Variants in ADGRG6 observed in about 807,000 individuals in gnomAD.
ADGRG6 encodes the protein G-protein coupled receptor 126.
ADGRG6 carries 84 observed loss-of-function variants against 142.4 expected under a neutral mutation model. The ratio of observed to expected loss-of-function variants is 0.59; its 90% confidence interval spans 0.49 to 0.71. ADGRG6 has a LOEUF of 0.71. Among genes scored for constraint, ADGRG6 ranks in the 30% least tolerant of loss-of-function variants. ADGRG6 has a pLI of 0.00. For missense variants in ADGRG6, 1,367 were observed against 1,466.6 expected (o/e 0.93, Z 1.11); for synonymous variants, 521 against 520.5 (o/e 1.00, Z -0.01).
At chr6:142,376,341 C>CT (rs1554244956) in intron 4 of ADGRG6, among the ~76,000 whole-genome samples, 1 of 152,188 alleles carries the variant, frequency 6.6e-6, no homozygotes, top group Non-Finnish European at 1.5e-5. Flanking sequence ...AATGAATAGT[C>CT]TAAGTTCAAA....
At chr6:142,370,872 A>C in intron 4 of ADGRG6, 79 bp downstream of exon 4, 1 of 1,338,686 alleles carries the variant, frequency 7.5e-7, no homozygotes, top group Non-Finnish European at 1.1e-6. Flanking sequence ...AGAATTATAC[A>C]TACACACAAA....
intron 14 of ADGRG6, 151 bp downstream of exon 14, chr6:142,404,124 A>G (rs1367613368): frequency 2.1e-5 from 14 of 654,172 alleles, no homozygotes; most frequent in Non-Finnish European, 3.2e-5. Flanking sequence ...CAGTAGCCAT[A>G]AAGTATTGTG....
rs762409777 is a variant in ADGRG6, at chr6:142,403,872, A to G, written c.2026A>G (p.Thr676Ala). The G allele has an allele frequency of 6.2e-6, 10 of 1,609,276 alleles. No individual in the cohort carries two copies. In the African/African-American group the frequency reaches 6.7e-5, roughly 11 times the overall value. ...TAGCACATCACATGTGAATATTACA[A>G]CTCGGAACTTGGCTCTCAGCGTATC... ...LNSTSHVNIT[T>A]RNLALSVSSL... The change falls in exon 14 of 25, where the codon ACT becomes GCT. Residue 676 changes from threonine to alanine, a missense_variant. Thr to Ala is a moderately conservative substitution (Grantham distance 58). This residue lies in a region of ADGRG6 where 286 missense variants were observed against 371.4 expected (regional missense o/e 0.77). Transcript: ENST00000367609.
chr6:142,385,618 A>G (rs1449523656), intron 6 of ADGRG6, among the ~76,000 whole-genome samples: 2 of 152,182 alleles, frequency 1.3e-5, no homozygotes, highest in Non-Finnish European at 2.9e-5. Flanking sequence ...AAGTGAATAT[A>G]AATATAATGT....
chr6:142,371,020 C>A (rs1417547335), intron 4 of ADGRG6: 2 of 478,588 alleles, frequency 4.2e-6, no homozygotes, highest in African/African-American at 3.9e-5. Context: ...TCCATCAAGA[C>A]ATTTGGTTTT....
At chr6:142,338,193 T>A (rs1779441746) in intron 2 of ADGRG6, among the ~76,000 whole-genome samples, 2 of 151,300 alleles carry the variant, frequency 1.3e-5, no homozygotes, top group Admixed American at 1.3e-4. Flanking sequence ...GCTAACTTTT[T>A]GTATTTTTAG....
At chr6:142,391,900 TAGCATTCACTAGA>T (rs1774916626) in intron 7 of ADGRG6, among the ~76,000 whole-genome samples, 2 of 151,878 alleles carry the variant, frequency 1.3e-5, no homozygotes. Context: ...AATCTAAATT[TAGCATTCACTAGA>T]AAGTTTGTGC....
intron 2 of ADGRG6, among the ~76,000 whole-genome samples, chr6:142,358,113 T>C (rs1780541393): frequency 6.6e-6 from 1 of 152,354 alleles, no homozygotes; most frequent in East Asian, 1.9e-4. Context: ...AATTAGCTTT[T>C]ATGAAGCTAA....
At chr6:142,356,303 A>C (rs1780441800) in intron 2 of ADGRG6, among the ~76,000 whole-genome samples, 1 of 152,188 alleles carries the variant, frequency 6.6e-6, no homozygotes, top group East Asian at 1.9e-4. Flanking sequence ...TTGCTCTATA[A>C]TTCTAAGCCA....
At chr6:142,332,969 G>A (rs899918921) in intron 2 of ADGRG6, among the ~76,000 whole-genome samples, 2 of 152,162 alleles carry the variant, frequency 1.3e-5, no homozygotes, top group Admixed American at 6.5e-5. Flanking sequence ...AATATACTGA[G>A]CGTAAAAATA....
rs1290750502 is a variant in ADGRG6, at chr6:142,370,910, A to T, written c.1069+117A>T. 7.5e-5 allele frequency: 74 copies of T among 982,790 alleles called. No homozygotes were observed. In the Admixed American group the frequency reaches 7.9e-4, roughly 11 times the overall value. 60.9% of individuals were successfully genotyped at this position (982,790 alleles called of 1,614,324 possible). ...TACCTGTATGTATATTCACACATAT[A>T]GACATATATATATATGTTGTCATTA... On this transcript the variant is annotated intron_variant, in intron 4 of 24. Transcript: ENST00000367609.
chr6:142,341,655 T>C (rs1006432830), intron 2 of ADGRG6, among the ~76,000 whole-genome samples: 2 of 134,390 alleles, frequency 1.5e-5, no homozygotes, highest in African/African-American at 5.6e-5. Context: ...ATATATACTA[T>C]ATAGTATATA....
intron 1 of ADGRG6, among the ~76,000 whole-genome samples, chr6:142,303,191 C>T (rs1402376550): frequency 1.3e-5 from 2 of 152,204 alleles, no homozygotes; most frequent in East Asian, 1.9e-4. Context: ...GGACGGACAC[C>T]GTGACAGACA....
rs10632214 is a variant in ADGRG6 at position 142,321,286 on chromosome 6, T to TACACACACACACAC, written c.103+11655_103+11668dup. On this transcript the variant is annotated intron_variant, in intron 2 of 24. Coordinates refer to ENST00000367609, the MANE Select transcript of ADGRG6 (RefSeq NM_198569.3). ...TTATGTTTCCAAAAATAAGCATGCA[T>TACACACACACACAC]ACACACACACACACACACACACACA... is the stretch of plus-strand genomic sequence containing the variant. Among the ~76,000 whole-genome samples the TACACACACACACAC allele has an allele frequency of 2.7e-3, 398 of 147,880 alleles. 1 individual carries two copies. Among genetic ancestry groups the TACACACACACACAC allele is most frequent in the Non-Finnish European group, 3.6e-3 (242 of 66,602 alleles).
chr6:142,323,116 CTTAT>C (rs1562311196), intron 2 of ADGRG6, among the ~76,000 whole-genome samples: 1 of 115,470 alleles, frequency 8.7e-6, no homozygotes, highest in African/African-American at 6.1e-5. Flanking sequence ...ATAAATGTCA[CTTAT>C]TTTTTTTTTT....
chr6:142,381,980 G>C lies in ADGRG6; in HGVS notation c.1099G>C (p.Glu367Gln). 3 of 1,607,648 alleles carry C rather than the reference G, an allele frequency of 1.9e-6. No individual in the cohort carries two copies. The highest frequency in any genetic ancestry group is 2.6e-6 in the Non-Finnish European group (3 of 1,176,172). Residue 367 changes from glutamate (E) to glutamine (Q), a missense_variant, in exon 5 of 25, where the codon GAA becomes CAA. By Grantham distance (29) the Glu-to-Gln change is conservative (BLOSUM62 2). Around this residue, in one of 3 missense-constraint regions of ADGRG6, gnomAD observed 737 missense variants for 746.5 expected, o/e 0.99. Transcript: ENST00000367609. Reference sequence around the variant, plus strand: ...CTACCTGATCCCGCTCCCAGCAGCAGAACTGGCCAGCTGTGCAGACCTGGG... The same window carrying C: ...CTACCTGATCCCGCTCCCAGCAGCACAACTGGCCAGCTGTGCAGACCTGGG... ...GSYLIPLPAA[E>Q]LASCADLGTL...
At chr6:142,304,915 G>A (rs956779355) in intron 1 of ADGRG6, among the ~76,000 whole-genome samples, 1 of 152,058 alleles carries the variant, frequency 6.6e-6, no homozygotes, top group Non-Finnish European at 1.5e-5. Context: ...GGCTACCTGA[G>A]TGTCATGTTA....
At chr6:142,410,649 C>T (rs1024882540) in intron 17 of ADGRG6, among the ~76,000 whole-genome samples, 2 of 152,036 alleles carry the variant, frequency 1.3e-5, no homozygotes, top group Non-Finnish European at 2.9e-5. Flanking sequence ...GTTCTTGTCA[C>T]AGCAAGACAG....
At chr6:142,326,646 G>A (rs1778794632) in intron 2 of ADGRG6, among the ~76,000 whole-genome samples, 1 of 151,930 alleles carries the variant, frequency 6.6e-6, no homozygotes, top group Non-Finnish European at 1.5e-5. Flanking sequence ...TAAATTAATG[G>A]TGTGAGAACA....
Sources: gnomAD v4.1 joint callset for allele counts (sites outside exome capture counted in the v4.1 genomes callset) on GRCh38, gnomAD v4.1.1 for gene constraint, gnomAD v4.1.1 regional missense constraint, MANE v1.5 for transcripts, NCBI Gene and HGNC (gene_info 2026-07-23, HGNC 2026-07-21) for gene names.